The following TAFA1 variants were observed in gnomAD, a reference collection of about 807,000 sequenced individuals.
The protein encoded by TAFA1 is TAFA chemokine like family member 1.
TAFA1 carries 4 observed loss-of-function variants against 18.5 expected under a neutral mutation model. That is an observed-to-expected ratio of 0.22 (90% CI 0.11 to 0.49). The LOEUF is 0.49. Ranked by LOEUF, TAFA1 falls within the 20% of genes least tolerant of loss-of-function variation. TAFA1 has a pLI of 0.98. For missense variants in TAFA1, 147 were observed against 169.0 expected (o/e 0.87, Z 0.72); for synonymous variants, 56 against 55.2 (o/e 1.01, Z -0.06).
In TAFA1 at chr3:68,506,472, G is replaced by GACACACAC. The variant is rs55813351; in HGVS notation, c.260-32274_260-32267dup. Among the ~76,000 whole-genome samples the GACACACAC allele has an allele frequency of 4.2e-3, 632 of 150,800 alleles. 2 individuals are homozygous for GACACACAC. Among genetic ancestry groups the GACACACAC allele is most frequent in the Middle Eastern group, 0.024 (7 of 292 alleles). On this transcript the variant is annotated intron_variant, in intron 3 of 4. Transcript: ENST00000478136. ...GGTGTGTTCAACACACACACACAGA[G>GACACACAC]ACACACACACACACACAGAGCAAAT... is the stretch of plus-strand genomic sequence containing the variant.
intron 2 of TAFA1, among the ~76,000 whole-genome samples, chr3:68,376,625 A>G (rs1321601775): frequency 6.6e-6 from 1 of 152,172 alleles, no homozygotes; most frequent in Non-Finnish European, 1.5e-5. Flanking sequence ...CATGGGGTAT[A>G]TGTACCACAT....
At chr3:68,317,881 T>A (rs1480701702) in intron 2 of TAFA1, among the ~76,000 whole-genome samples, 3 of 152,132 alleles carry the variant, frequency 2.0e-5, no homozygotes, top group Non-Finnish European at 4.4e-5. Flanking sequence ...TAGAGACACT[T>A]GCTGATGAGT....
rs142866359 is a variant in TAFA1 at position 68,289,319 on chromosome 3, C to T, written c.119-127961C>T. 4.7e-3 allele frequency among the ~76,000 whole-genome samples: 722 copies of T among 152,216 alleles called. 6 individuals are homozygous for T. The highest frequency in any genetic ancestry group is 0.017 in the African/African-American group (688 of 41,542). On this transcript the variant is annotated intron_variant, in intron 2 of 4. Transcript: ENST00000478136. Reference sequence around the variant, plus strand: ...TCTAAGTGCTCCATTTTAATGTGGTCCAACTTACGACTCTTTCCTCTATGG... The same window carrying T: ...TCTAAGTGCTCCATTTTAATGTGGTTCAACTTACGACTCTTTCCTCTATGG...
intron 2 of TAFA1, among the ~76,000 whole-genome samples, chr3:68,355,748 G>A (rs1325998003): frequency 6.6e-6 from 1 of 151,926 alleles, no homozygotes; most frequent in East Asian, 1.9e-4. Context: ...GGAAACAGAT[G>A]TTAATGCAAC....
chr3:68,091,936 TG>T (rs1466454095), intron 2 of TAFA1, among the ~76,000 whole-genome samples: 1 of 152,156 alleles, frequency 6.6e-6, no homozygotes, highest in Non-Finnish European at 1.5e-5. Flanking sequence ...GTTTTCACCT[TG>T]TCCTGTGTTT....
chr3:68,491,804 C>T (rs2072458939), intron 3 of TAFA1, among the ~76,000 whole-genome samples: 1 of 152,104 alleles, frequency 6.6e-6, no homozygotes, highest in South Asian at 2.1e-4. Flanking sequence ...GCACTGTCAG[C>T]ACAACATGGG....
chr3:68,346,008 C>G (rs262218), intron 2 of TAFA1, among the ~76,000 whole-genome samples: 75,036 of 151,942 alleles, frequency 0.49, 18,986 homozygotes, highest in East Asian at 0.72. Flanking sequence ...CTGGCTACTT[C>G]GCAGCTCTTT....
At chr3:68,528,707 T>C (rs771010806) in intron 3 of TAFA1, among the ~76,000 whole-genome samples, 1 of 152,198 alleles carries the variant, frequency 6.6e-6, no homozygotes, top group Non-Finnish European at 1.5e-5. Flanking sequence ...GAGGTACTTA[T>C]AACCTACTTC....
chr3:68,423,873 C>T (rs2106816515), intron 3 of TAFA1, among the ~76,000 whole-genome samples: 1 of 152,020 alleles, frequency 6.6e-6, no homozygotes, highest in Admixed American at 6.6e-5. Context: ...AAAAAAATCT[C>T]TATGATAAGT....
intron 2 of TAFA1, among the ~76,000 whole-genome samples, chr3:68,330,021 C>A (rs1306732529): frequency 1.3e-5 from 2 of 152,078 alleles, no homozygotes; most frequent in Non-Finnish European, 2.9e-5. Flanking sequence ...TCTTGTGTGT[C>A]CAATTGCAGG....
intron 3 of TAFA1, among the ~76,000 whole-genome samples, chr3:68,497,554 A>G (rs563571427): frequency 3.0e-4 from 46 of 152,132 alleles, no homozygotes; most frequent in Non-Finnish European, 5.9e-4. Flanking sequence ...TGTGCCTGGC[A>G]GAAGAATCAG....
intron 2 of TAFA1, among the ~76,000 whole-genome samples, chr3:68,236,601 G>A (rs1218363418): frequency 1.3e-5 from 2 of 152,210 alleles, no homozygotes; most frequent in Non-Finnish European, 2.9e-5. Flanking sequence ...AAAGGTTGAG[G>A]TTGTTGAAAA....
chr3:68,195,220 T>G (rs180865309), intron 2 of TAFA1, among the ~76,000 whole-genome samples: 1 of 151,104 alleles, frequency 6.6e-6, no homozygotes, highest in Non-Finnish European at 1.5e-5. Flanking sequence ...AAATGGATGT[T>G]TAAATTACTA....
chr3:68,228,395 G>C lies in TAFA1; in HGVS notation c.119-188885G>C, dbSNP rs184388405. On this transcript the variant is annotated intron_variant, in intron 2 of 4. Transcript: ENST00000478136. ...GCTTCCCAAGTAGCTAGGACTGCAA[G>C]TGCAAGCCACCATACCTGGCAGACC... Among the ~76,000 whole-genome samples the C allele has an allele frequency of 6.5e-3, 987 of 152,248 alleles. 15 individuals carry two copies. Among genetic ancestry groups the C allele is most frequent in the African/African-American group, 0.023 (953 of 41,550 alleles).
At chr3:68,159,878 T>A (rs1450771835) in intron 2 of TAFA1, among the ~76,000 whole-genome samples, 1 of 152,184 alleles carries the variant, frequency 6.6e-6, no homozygotes, top group Non-Finnish European at 1.5e-5. Context: ...TTTAAAAGCA[T>A]CCTCTTTCTG....
At chr3:68,426,292 C>T (rs2106823345) in intron 3 of TAFA1, among the ~76,000 whole-genome samples, 1 of 151,936 alleles carries the variant, frequency 6.6e-6, no homozygotes, top group African/African-American at 2.4e-5. Context: ...CACTAATCCT[C>T]TCACATCATA....
intron 2 of TAFA1, among the ~76,000 whole-genome samples, chr3:68,123,553 T>G (rs2065426153): frequency 6.6e-6 from 1 of 152,182 alleles, no homozygotes; most frequent in South Asian, 2.1e-4. Flanking sequence ...TAAGACTTTT[T>G]CACTTTTCTG....
chr3:68,396,571 A>G (rs2070387161), intron 2 of TAFA1, among the ~76,000 whole-genome samples: 1 of 152,202 alleles, frequency 6.6e-6, no homozygotes, highest in African/African-American at 2.4e-5. Context: ...ATTGCTGTAC[A>G]CTAGTCTACT....
At chr3:68,531,521 G>C (rs549874921) in intron 3 of TAFA1, among the ~76,000 whole-genome samples, 1 of 152,172 alleles carries the variant, frequency 6.6e-6, no homozygotes, top group South Asian at 2.1e-4. Context: ...CATGTGTAGT[G>C]ACCCGCCAGC....
Sources: gnomAD v4.1 joint callset for allele counts (sites outside exome capture counted in the v4.1 genomes callset) on GRCh38, gnomAD v4.1.1 for gene constraint, MANE v1.5 for transcripts, NCBI Gene and HGNC (gene_info 2026-07-23, HGNC 2026-07-21) for gene names.